The following SULT1A2 variants were observed in gnomAD, a reference collection of about 807,000 sequenced individuals.
The protein encoded by SULT1A2 is sulfotransferase 1A2.
Under a neutral mutation model 36.0 loss-of-function variants are expected in SULT1A2, and 33 were observed. That is an observed-to-expected ratio of 0.92 (90% CI 0.69 to 1.22). The LOEUF is 1.22. Among genes scored for constraint, SULT1A2 ranks in the 50% most tolerant of loss-of-function variants. SULT1A2 has a pLI of 0.00. For synonymous variants in SULT1A2, 138 were observed against 144.5 expected (o/e 0.96, Z 0.32); for missense variants, 367 against 383.2 (o/e 0.96, Z 0.35).
chr16:28,593,956 T>C (rs1377187395), intron 4 of SULT1A2, among the ~76,000 whole-genome samples: 9 of 151,786 alleles, frequency 5.9e-5, no homozygotes, highest in Admixed American at 1.3e-4. Flanking sequence ...GTCCCCCCCG[T>C]GGAAGATGAG....
chr16:28,594,468 T>G (rs2047035193), intron 4 of SULT1A2, among the ~76,000 whole-genome samples: 1 of 152,170 alleles, frequency 6.6e-6, no homozygotes, highest in South Asian at 2.1e-4. Context: ...ATTTGTTTTG[T>G]TTGAAACAAT....
chr16:28,597,035 C>T lies in SULT1A2; in HGVS notation c.-43G>A, dbSNP rs11074908. On this transcript the variant is annotated 5_prime_UTR_variant, in exon 1 of 8. Transcript: ENST00000335715. ...AACCTGGCCTTGTGCCCTCCTCGCC[C>T]GCAGTGGCTGAGTGTGGGTGTTGTG... The T allele has an allele frequency of 0.12, 146,904 of 1,272,288 alleles. 9,371 individuals are homozygous for T. Among genetic ancestry groups the T allele is most frequent in the Middle Eastern group, 0.18 (807 of 4,608 alleles). 78.8% of individuals were successfully genotyped at this position (1,272,288 alleles called of 1,614,324 possible). A position where few individuals can be genotyped will look rare whatever the true frequency, so the allele number is the denominator to read the frequency against.
chr16:28,595,813 C>T lies in SULT1A2; in HGVS notation c.118G>A (p.Asp40Asn), dbSNP rs1430626878. 3 of 1,612,306 alleles carry T rather than the reference C, an allele frequency of 1.9e-6. No individual in the cohort carries two copies. Among genetic ancestry groups the T allele is most frequent in the Non-Finnish European group, 2.5e-6 (3 of 1,179,448 alleles). ...PLQSFQARPD[D>N]LLISTYPKSG... ...TTGGGGTAGGTGCTGATGAGCAGGT[C>T]ATCAGGCCGGGCCTGGAAGCTCTGC... The change falls in exon 2 of 8, where the codon GAC becomes AAC. Residue 40 changes from aspartate (D) to asparagine (N), a missense_variant. By Grantham distance (23) the Asp-to-Asn change is conservative (BLOSUM62 1). Coordinates refer to ENST00000335715, the MANE Select transcript of SULT1A2 (RefSeq NM_001054.4).
intron 6 of SULT1A2, among the ~76,000 whole-genome samples, chr16:28,592,805 G>A (rs542689823): frequency 2.0e-5 from 3 of 152,298 alleles, no homozygotes; most frequent in South Asian, 2.1e-4. Context: ...TGAGGCAGGC[G>A]GATCACCTGA....
In SULT1A2 at chr16:28,595,617, CTT is replaced by C. The variant is rs780466630; in HGVS notation, c.205_206del (p.Lys69ValfsTer14). The C allele has an allele frequency of 3.1e-6, 5 of 1,614,070 alleles. No individual in the cohort carries two copies. The highest frequency in any genetic ancestry group is 4.2e-6 in the Non-Finnish European group (5 of 1,180,026). On this transcript the variant is annotated frameshift_variant, in exon 3 of 8. Transcript: ENST00000335715. LOFTEE classifies it high-confidence loss of function. ...GCATGAAGATGGGAGCTCGGTGACA[CTT>C]TTCCAGGTCACCGCCCTGGTAGATC... ...DMIYQGGDLE[K>X]CHRAPIFMRV...
In SULT1A2 at chr16:28,595,795, A is replaced by T; in HGVS notation, c.136T>A (p.Tyr46Asn). The change falls in exon 2 of 8, where the codon TAC becomes AAC. Residue 46 changes from tyrosine to asparagine, a missense_variant. Transcript: ENST00000335715. ...ARPDDLLISTYPKSGTTWVSQ... is the reference protein window; with the variant it reads ...ARPDDLLISTNPKSGTTWVSQ... ...CCTCCTCACCTACCGGACTTGGGGT[A>T]GGTGCTGATGAGCAGGTCATCAGGC... The T allele has an allele frequency of 1.2e-6, 2 of 1,612,704 alleles. No individual in the cohort carries two copies. The highest frequency in any genetic ancestry group is 1.7e-6 in the Non-Finnish European group (2 of 1,179,436).
At chr16:28,593,195 C>T in intron 6 of SULT1A2, 57 bp downstream of exon 6, 2 of 1,609,032 alleles carry the variant, frequency 1.2e-6, no homozygotes, top group South Asian at 1.1e-5. Context: ...TGGCAGGTCC[C>T]TGTGAAGTGC....
Position 28,595,642 on chromosome 16 carries a change from A to C in SULT1A2, c.182T>G (p.Ile61Ser), listed in dbSNP as rs546104628. 1 of 1,614,048 alleles carries C rather than the reference A, an allele frequency of 6.2e-7. No individual in the cohort carries two copies. Among genetic ancestry groups the C allele is most frequent in the African/African-American group, 1.3e-5 (1 of 74,930 alleles). ...TTWVSQILDM[I>S]YQGGDLEKCH... Reference sequence around the variant, plus strand: ...CTTTTCCAGGTCACCGCCCTGGTAGATCATGTCCAGAATCTGGCTCACCCA... The same window carrying C: ...CTTTTCCAGGTCACCGCCCTGGTAGCTCATGTCCAGAATCTGGCTCACCCA... Residue 61 changes from isoleucine to serine, a missense_variant, in exon 3 of 8, where the codon ATC (isoleucine) becomes AGC (serine). Coordinates refer to ENST00000335715, the MANE Select transcript of SULT1A2 (RefSeq NM_001054.4).
intron 6 of SULT1A2, 165 bp from the exon 7 acceptor site, chr16:28,592,608 G>T: frequency 7.7e-7 from 1 of 1,303,708 alleles, no homozygotes; most frequent in Non-Finnish European, 1.1e-6. Context: ...AAAATGAATT[G>T]CTGTCTGCCC....
chr16:28,594,650 T>C (rs557180341), intron 4 of SULT1A2, among the ~76,000 whole-genome samples: 7 of 151,486 alleles, frequency 4.6e-5, no homozygotes, highest in Admixed American at 4.6e-4. Context: ...ACGGGGTTTC[T>C]CCATGTTGGC....
At chr16:28,592,509 C>T in intron 6 of SULT1A2, 66 bp from the exon 7 acceptor site, 1 of 1,610,194 alleles carries the variant, frequency 6.2e-7, no homozygotes. Context: ...AAGGGGTCCA[C>T]TTCTCTAACC....
chr16:28,595,776 C>T lies in SULT1A2; in HGVS notation c.148+7G>A, dbSNP rs1383163204. On this transcript the variant is annotated splice_region_variant and intron_variant, in intron 2 of 7. Transcript: ENST00000335715. ...CTGGGAGAGGGTGGGTGGCCCTCCT[C>T]ACCTACCGGACTTGGGGTAGGTGCT... 1.2e-6 allele frequency: 2 copies of T among 1,612,690 alleles called. No individual in the cohort carries two copies. Among genetic ancestry groups the T allele is most frequent in the Admixed American group, 1.7e-5 (1 of 59,972 alleles).
chr16:28,594,443 C>A (rs1450318177), intron 4 of SULT1A2, among the ~76,000 whole-genome samples: 3 of 152,104 alleles, frequency 2.0e-5, no homozygotes, highest in Non-Finnish European at 4.4e-5. Flanking sequence ...AGGTGGCAAA[C>A]CTTTTAAAAT....
Position 28,595,659 on chromosome 16 carries a change from G to A in SULT1A2, c.165C>T (p.Ser55=). The change falls in exon 3 of 8, where the codon AGC becomes AGT. Residue 55 remains serine (S), a synonymous_variant. Transcript: ENST00000335715. The stretch of plus-strand genomic sequence containing the variant: ...CCTGGTAGATCATGTCCAGAATCTG[G>A]CTCACCCAGGTGGTGCCTGGAGAGG... ...TYPKSGTTWV[S]QILDMIYQGG... 6.2e-7 allele frequency: 1 copy of A among 1,614,178 alleles called. No individual in the cohort carries two copies. The highest frequency in any genetic ancestry group is 8.5e-7 in the Non-Finnish European group (1 of 1,180,012).
rs767576971 is a variant in SULT1A2, at chr16:28,593,337, C to T, written c.509G>A (p.Gly170Glu). 1.2e-6 allele frequency: 2 copies of T among 1,614,148 alleles called. No homozygotes were observed. ...CTCTTGCACGTGCTGGTACCAGGAC[C>T]CATAGGACACTGGAGAAGCGGGCAG... The part of the protein sequence containing the change: ...EKFMAGEVSY[G>E]SWYQHVQEWW... Residue 170 changes from glycine to glutamate, a missense_variant, in exon 6 of 8, where the codon GGG becomes GAG. Gly to Glu is a moderately conservative substitution (Grantham distance 98, BLOSUM62 -2). Coordinates refer to ENST00000335715, the MANE Select transcript of SULT1A2 (RefSeq NM_001054.4).
intron 4 of SULT1A2, among the ~76,000 whole-genome samples, chr16:28,594,068 C>T (rs1295451974): frequency 1.3e-5 from 2 of 148,964 alleles, no homozygotes; most frequent in African/African-American, 4.9e-5. Flanking sequence ...ACACCTGGAC[C>T]TTTGCTTTTT....
intron 7 of SULT1A2, 28 bp downstream of exon 7, chr16:28,592,235 C>T: frequency 1.2e-6 from 2 of 1,613,980 alleles, no homozygotes; most frequent in Non-Finnish European, 1.7e-6. Flanking sequence ...CCCACCTGCT[C>T]CAAACCCCCG....
In SULT1A2 at chr16:28,595,436, G is replaced by A. The variant is rs750826385; in HGVS notation, c.303C>T (p.Ala101=). 9 of 1,614,082 alleles carry A rather than the reference G, an allele frequency of 5.6e-6. No homozygotes were observed. Among genetic ancestry groups the A allele is most frequent in the African/African-American group, 1.3e-5 (1 of 75,018 alleles). Residue 101 remains alanine, a synonymous_variant, in exon 4 of 8, where the codon GCC becomes GCT. Coordinates refer to ENST00000335715, the MANE Select transcript of SULT1A2 (RefSeq NM_001054.4). ...GCAGGTGTGTCTTCAGGAGTCGTGG[G>A]GCTGGTGTGTTTTTCAGAGTCTCCA... ...SGMETLKNTP[A]PRLLKTHLPL... is the part of the protein sequence containing the mutation.
At chr16:28,593,884 A>T (rs1047178683) in intron 4 of SULT1A2, among the ~76,000 whole-genome samples, 2 of 151,916 alleles carry the variant, frequency 1.3e-5, no homozygotes, top group African/African-American at 4.8e-5. Flanking sequence ...CCCACCCTCT[A>T]CCTTTCTTAG....
Sources: allele counts gnomAD v4.1 joint callset (sites outside exome capture counted in the v4.1 genomes callset), GRCh38; gene constraint gnomAD v4.1.1; transcripts MANE v1.5; gene names NCBI Gene and HGNC (gene_info 2026-07-23, HGNC 2026-07-21).